Variants in TMTC1 observed in about 807,000 individuals in gnomAD.
TMTC1 encodes the protein protein O-mannosyl-transferase TMTC1.
A neutral mutation model predicts 104.8 loss-of-function variants in TMTC1; 73 were observed. The ratio of observed to expected loss-of-function variants is 0.70; its 90% CI spans 0.58 to 0.85. TMTC1 has a LOEUF of 0.85. Among genes scored for constraint, TMTC1 ranks in the 40% least tolerant of loss-of-function variants. The pLI is 0.00. For synonymous variants in TMTC1, 434 were observed against 428.7 expected (o/e 1.01, Z -0.15); for missense variants, 1,035 against 1,096.1 (o/e 0.94, Z 0.79).
intron 4 of TMTC1, among the ~76,000 whole-genome samples, chr12:29,754,747 A>G (rs1943175499): frequency 6.6e-6 from 1 of 152,128 alleles, no homozygotes; most frequent in African/African-American, 2.4e-5. Context: ...GAGAGCCAAC[A>G]GAGCACTACA....
intron 5 of TMTC1, among the ~76,000 whole-genome samples, chr12:29,664,603 A>G (rs779521041): frequency 6.6e-6 from 1 of 152,238 alleles, no homozygotes; most frequent in Non-Finnish European, 1.5e-5. Context: ...GCAACAACTA[A>G]TATGTCCCAG....
chr12:29,689,900 A>G (rs1198184324), intron 5 of TMTC1, among the ~76,000 whole-genome samples: 2 of 152,148 alleles, frequency 1.3e-5, no homozygotes, highest in Non-Finnish European at 2.9e-5. Context: ...TCTCTCTTGC[A>G]TTATAACAAC....
intron 5 of TMTC1, among the ~76,000 whole-genome samples, chr12:29,654,350 A>G (rs1485454874): frequency 6.6e-6 from 1 of 152,164 alleles, no homozygotes; most frequent in Non-Finnish European, 1.5e-5. Flanking sequence ...GGAGATGTTC[A>G]ACATCATTAG....
At chr12:29,731,435 C>T (rs1243409949) in intron 5 of TMTC1, among the ~76,000 whole-genome samples, 1 of 152,134 alleles carries the variant, frequency 6.6e-6, no homozygotes, top group Non-Finnish European at 1.5e-5. Context: ...GAATTATATG[C>T]CCACAATGCA....
chr12:29,570,365 T>C (rs1166107188), intron 9 of TMTC1, among the ~76,000 whole-genome samples: 1 of 152,210 alleles, frequency 6.6e-6, no homozygotes, highest in Non-Finnish European at 1.5e-5. Flanking sequence ...ATTATGAACA[T>C]TTTGGAAACT....
chr12:29,662,389 C>T (rs527519558), intron 5 of TMTC1, among the ~76,000 whole-genome samples: 8 of 152,250 alleles, frequency 5.3e-5, no homozygotes, highest in African/African-American at 1.4e-4. Context: ...AGGTGGCTCA[C>T]GCCTGTAATC....
In TMTC1 at chr12:29,777,965, G is replaced by T. The variant is rs1051842074; in HGVS notation, c.302+5485C>A. Among the ~76,000 whole-genome samples the T allele has an allele frequency of 2.6e-5, 4 of 152,300 alleles. No individual in the cohort carries two copies. In the East Asian group the frequency reaches 7.7e-4, roughly 29 times the overall value. On this transcript the variant is annotated intron_variant, in intron 1 of 17. Transcript: ENST00000539277. Reference sequence around the variant, plus strand: ...TTTCTTTAAGGTTGTGGGCATGGAGGTTAGCTAGTGCTTATTTTCATGGTT... The same window carrying T: ...TTTCTTTAAGGTTGTGGGCATGGAGTTTAGCTAGTGCTTATTTTCATGGTT...
intron 11 of TMTC1, among the ~76,000 whole-genome samples, chr12:29,527,625 G>A (rs568385119): frequency 9.2e-5 from 14 of 152,330 alleles, no homozygotes; most frequent in Non-Finnish European, 1.8e-4. Context: ...AGTTAAGTTA[G>A]AAGGTGTTTT....
chr12:29,521,558 C>CTT (rs1944160080), intron 11 of TMTC1, among the ~76,000 whole-genome samples: 1 of 129,262 alleles, frequency 7.7e-6, no homozygotes, highest in Non-Finnish European at 1.6e-5. Flanking sequence ...TTTTCTTTTT[C>CTT]TTTCTTTCTT....
At chr12:29,661,334 G>T in intron 5 of TMTC1, 1 of 978,542 alleles carries the variant, frequency 1.0e-6, no homozygotes, top group Non-Finnish European at 1.2e-6. Flanking sequence ...TAATTTGAAG[G>T]CTCCAATGTC....
rs1408682751 is a variant in TMTC1 at position 29,604,313 on chromosome 12, T to C, written c.1129-14A>G. ...GTGCTCCAGTCTCTGAAACACACAA[T>C]AGTGAAGGAAACATTAACTTCTGTT... On this transcript the variant is annotated splice_polypyrimidine_tract_variant and intron_variant, in intron 6 of 17. Coordinates refer to ENST00000539277, the MANE Select transcript of TMTC1 (RefSeq NM_001193451.2). The C allele has an allele frequency of 1.2e-5, 19 of 1,613,548 alleles. No homozygotes were observed. The highest frequency in any genetic ancestry group is 2.2e-5 in the South Asian group (2 of 91,054).
intron 6 of TMTC1, among the ~76,000 whole-genome samples, chr12:29,616,317 G>C (rs1030255881): frequency 6.6e-6 from 1 of 152,088 alleles, no homozygotes; most frequent in Non-Finnish European, 1.5e-5. Context: ...AAAAATCAAC[G>C]CGCTCTCTGG....
intron 5 of TMTC1, among the ~76,000 whole-genome samples, chr12:29,673,229 T>C (rs1239788427): frequency 7.5e-6 from 1 of 133,690 alleles, no homozygotes; most frequent in African/African-American, 2.9e-5. Context: ...ATTTTCAAAT[T>C]CCAATACTCA....
intron 5 of TMTC1, among the ~76,000 whole-genome samples, chr12:29,648,915 G>A (rs1470383628): frequency 6.6e-6 from 1 of 151,884 alleles, no homozygotes; most frequent in Non-Finnish European, 1.5e-5. Flanking sequence ...TCCAGCACAT[G>A]GCCATTGGAA....
chr12:29,604,388 C>A, intron 6 of TMTC1, 89 bp from the exon 7 acceptor site: 2 of 1,554,330 alleles, frequency 1.3e-6, no homozygotes, highest in South Asian at 2.3e-5. Flanking sequence ...TTCAGGTTCT[C>A]AATGAAGAAA....
intron 9 of TMTC1, among the ~76,000 whole-genome samples, chr12:29,557,647 G>A (rs554421983): frequency 8.5e-5 from 13 of 152,064 alleles, no homozygotes; most frequent in African/African-American, 1.7e-4. Context: ...ACTGGGTTTC[G>A]CCATGTTGGC....
At chr12:29,659,503 G>C (rs1176307287) in intron 5 of TMTC1, among the ~76,000 whole-genome samples, 1 of 151,990 alleles carries the variant, frequency 6.6e-6, no homozygotes, top group African/African-American at 2.4e-5. Flanking sequence ...CATCATCTTC[G>C]GCCATGAATG....
rs1441114599 is a variant in TMTC1 at position 29,506,007 on chromosome 12, T to C, written c.*839A>G. 1 of 152,168 alleles carries C rather than the reference T, an allele frequency of 6.6e-6. No homozygotes were observed. The highest frequency in any genetic ancestry group is 2.4e-5 in the African/African-American group (1 of 41,454). The allele number at this position is 152,168 out of a possible 1,614,324, so 9.4% of individuals were successfully genotyped here. On this transcript the variant is annotated 3_prime_UTR_variant, in exon 18 of 18. Transcript: ENST00000539277. ...CTTAGTTAATATCTTTAATTTTTTATGTAGAATATACTATTTTTTTCTCCA... is the reference window on the plus strand; with the variant it reads ...CTTAGTTAATATCTTTAATTTTTTACGTAGAATATACTATTTTTTTCTCCA...
At chr12:29,559,920 T>TA (rs935267723) in intron 9 of TMTC1, among the ~76,000 whole-genome samples, 7 of 151,988 alleles carry the variant, frequency 4.6e-5, no homozygotes, top group African/African-American at 1.7e-4. Flanking sequence ...GAAAAATATC[T>TA]AAAAAAAAGA....
Sources: allele counts gnomAD v4.1 joint callset (sites outside exome capture counted in the v4.1 genomes callset), GRCh38; gene constraint gnomAD v4.1.1; transcripts MANE v1.5; gene names NCBI Gene and HGNC (gene_info 2026-07-23, HGNC 2026-07-21).